Variants in CSGALNACT1 observed in about 807,000 individuals in gnomAD.
The protein encoded by CSGALNACT1 is chondroitin sulfate N-acetylgalactosaminyltransferase 1, also known as beta4GalNAcT-1.
In CSGALNACT1, 52 loss-of-function variants were observed where a neutral mutation model predicts 51.0. The observed-to-expected ratio is 1.02, with a 90% CI of 0.82 to 1.29. The LOEUF (loss-of-function observed/expected upper bound fraction) is 1.29, where lower values mean the gene tolerates loss of function less well. CSGALNACT1 is among the 50% of genes most tolerant of loss of function. CSGALNACT1 has a pLI of 0.00. For missense variants in CSGALNACT1, 935 were observed against 679.2 expected (o/e 1.38, Z -4.19); for synonymous variants, 341 against 254.4 (o/e 1.34, Z -3.24).
At chr8:19,405,443 T>C (rs2053950532) in exon 10 of CSGALNACT1, 1 of 492,602 alleles carries the variant, frequency 2.0e-6, no homozygotes, top group Non-Finnish European at 3.9e-6. Flanking sequence ...AAAACTGCTC[T>C]TAAATCATGA....
chr8:19,574,363 C>T (rs1254723931), intron 3 of CSGALNACT1, among the ~76,000 whole-genome samples: 4 of 152,226 alleles, frequency 2.6e-5, no homozygotes, highest in Non-Finnish European at 5.9e-5. Context: ...CTTCCACAGC[C>T]TCTTGGAATC....
At chr8:19,615,923 T>C (rs2052938028) in intron 1 of CSGALNACT1, among the ~76,000 whole-genome samples, 1 of 152,242 alleles carries the variant, frequency 6.6e-6, no homozygotes, top group Non-Finnish European at 1.5e-5. Flanking sequence ...TCTTAATTTA[T>C]CAAACAGGTA....
intron 6 of CSGALNACT1, among the ~76,000 whole-genome samples, chr8:19,437,447 G>A (rs1233339423): frequency 6.6e-6 from 1 of 152,094 alleles, no homozygotes; most frequent in East Asian, 1.9e-4. Flanking sequence ...AGTGTGGTAT[G>A]GTACTGTGAA....
At chr8:19,615,149 C>G (rs372510007) in intron 1 of CSGALNACT1, among the ~76,000 whole-genome samples, 1 of 152,080 alleles carries the variant, frequency 6.6e-6, no homozygotes, top group African/African-American at 2.4e-5. Context: ...CCTAAAAATA[C>G]AAAAATTAAC....
chr8:19,535,634 A>C (rs1391141003), intron 3 of CSGALNACT1, among the ~76,000 whole-genome samples: 2 of 152,242 alleles, frequency 1.3e-5, no homozygotes, highest in Non-Finnish European at 2.9e-5. Context: ...GAAATTTAAA[A>C]ACTAAATATG....
chr8:19,508,424 C>T (rs1331625553), intron 3 of CSGALNACT1, among the ~76,000 whole-genome samples: 1 of 152,228 alleles, frequency 6.6e-6, no homozygotes, highest in African/African-American at 2.4e-5. Context: ...TAGAACAACA[C>T]ACAGTTATTA....
At chr8:19,603,469 G>C (rs1407609413), upstream of CSGALNACT1, among the ~76,000 whole-genome samples, 1 of 152,166 alleles carries the variant, frequency 6.6e-6, no homozygotes, top group East Asian at 1.9e-4. Flanking sequence ...ACCCACTTCC[G>C]CCTCTGCCTG....
intron 1 of CSGALNACT1, among the ~76,000 whole-genome samples, chr8:19,751,099 T>C (rs920913214): frequency 1.3e-5 from 2 of 152,166 alleles, no homozygotes; most frequent in African/African-American, 4.8e-5. Context: ...AATGTTTGCA[T>C]GTCAGAACTC....
chr8:19,466,150 T>A (rs573936226), intron 4 of CSGALNACT1, among the ~76,000 whole-genome samples: 20 of 151,990 alleles, frequency 1.3e-4, no homozygotes, highest in African/African-American at 4.3e-4. Context: ...GGAAAAAAAA[T>A]ATACATGTTC....
At chr8:19,558,731 C>A (rs1315261054) in intron 3 of CSGALNACT1, among the ~76,000 whole-genome samples, 1 of 152,064 alleles carries the variant, frequency 6.6e-6, no homozygotes, top group Non-Finnish European at 1.5e-5. Context: ...GAGAAAAATT[C>A]TTTTCACACT....
rs548511912 is a variant in CSGALNACT1 at position 19,529,085 on chromosome 8, C to T, written c.-296-22955G>A. ...AAAAGAAGGATTCAGTGGACAGCAA[C>T]GTCAGATGCTGCCGAGAAATCAAGT... On this transcript the variant is annotated intron_variant, in intron 3 of 9. Transcript: ENST00000454498. Among the ~76,000 whole-genome samples the T allele has an allele frequency of 1.6e-4, 25 of 152,226 alleles. No homozygotes were observed. The South Asian group carries it at 4.4e-3, about 27-fold the overall frequency.
In CSGALNACT1 at chr8:19,653,448, T is replaced by TC. The variant is rs200702710; in HGVS notation, c.-544+29024dup. On this transcript the variant is annotated intron_variant, in intron 1 of 9. Coordinates refer to the CSGALNACT1 transcript ENST00000332246. Reference sequence around the variant, plus strand: ...CTCAGGGGCCTACCCTGCACCCTCATCCAATCCCATAGCTGTAAGTCTCAT... The same window carrying TC: ...CTCAGGGGCCTACCCTGCACCCTCATCCCAATCCCATAGCTGTAAGTCTCAT... 6.9e-3 allele frequency among the ~76,000 whole-genome samples: 1,049 copies of TC among 152,254 alleles called. 6 individuals carry two copies. The highest frequency in any genetic ancestry group is 0.012 in the Admixed American group (191 of 15,294).
At chr8:19,634,570 G>C (rs2055754282) in intron 1 of CSGALNACT1, among the ~76,000 whole-genome samples, 3 of 152,174 alleles carry the variant, frequency 2.0e-5, no homozygotes, top group Admixed American at 6.5e-5. Flanking sequence ...GCTGACATGG[G>C]TGGATCACTT....
chr8:19,438,237 C>G (rs768885506), intron 6 of CSGALNACT1, among the ~76,000 whole-genome samples: 2 of 152,172 alleles, frequency 1.3e-5, no homozygotes. Flanking sequence ...GAGCAGCCCC[C>G]AGGTGGACTA....
intron 1 of CSGALNACT1, among the ~76,000 whole-genome samples, chr8:19,678,263 T>C (rs529029407): frequency 6.0e-4 from 91 of 152,248 alleles, no homozygotes; most frequent in African/African-American, 2.2e-3. Flanking sequence ...ACAAGAAGTA[T>C]CCAGACATCT....
At chr8:19,549,433 C>T (rs2087353608) in intron 3 of CSGALNACT1, among the ~76,000 whole-genome samples, 1 of 151,984 alleles carries the variant, frequency 6.6e-6, no homozygotes, top group African/African-American at 2.4e-5. Context: ...TAATTTTCCC[C>T]ACACTCTAAC....
At chr8:19,536,761 T>C (rs1379194841) in intron 3 of CSGALNACT1, among the ~76,000 whole-genome samples, 1 of 152,212 alleles carries the variant, frequency 6.6e-6, no homozygotes, top group African/African-American at 2.4e-5. Flanking sequence ...TCAAGAATTA[T>C]TATACAGCTA....
intron 3 of CSGALNACT1, among the ~76,000 whole-genome samples, chr8:19,577,191 G>C (rs1420291880): frequency 6.6e-6 from 1 of 152,098 alleles, no homozygotes; most frequent in African/African-American, 2.4e-5. Flanking sequence ...AGTTGTGCTT[G>C]GCCTTGGAGA....
intron 1 of CSGALNACT1, among the ~76,000 whole-genome samples, chr8:19,733,401 C>T (rs1450739227): frequency 6.6e-6 from 1 of 152,184 alleles, no homozygotes; most frequent in Non-Finnish European, 1.5e-5. Context: ...TCCATTATTG[C>T]CTACTTCAAA....
Sources: allele counts gnomAD v4.1 joint callset (sites outside exome capture counted in the v4.1 genomes callset), GRCh38; gene constraint gnomAD v4.1.1; transcripts MANE v1.5; gene names NCBI Gene and HGNC (gene_info 2026-07-23, HGNC 2026-07-21).